DDX23: variants seen among roughly 807,000 people sequenced by gnomAD.
DDX23 encodes the protein probable ATP-dependent RNA helicase DDX23.
DDX23 carries 33 observed loss-of-function variants against 102.7 expected under a neutral mutation model. The ratio of observed to expected loss-of-function variants is 0.32; its 90% CI spans 0.24 to 0.43. The LOEUF (loss-of-function observed/expected upper bound fraction) is 0.43, where lower values mean the gene tolerates loss of function less well. Among genes scored for constraint, DDX23 ranks in the 20% least tolerant of loss-of-function variants. DDX23 has a pLI of 1.00. For missense variants in DDX23, 549 were observed against 1,086.6 expected, an observed-to-expected ratio of 0.51 and a Z score of 6.96; for synonymous variants, 352 against 376.0, an observed-to-expected ratio of 0.94 and a Z score of 0.74.
Position 48,831,184 on chromosome 12 carries a change from C to T in DDX23, c.2197G>A (p.Val733Met). The T allele has an allele frequency of 6.2e-7, 1 of 1,614,240 alleles. No homozygotes were observed. ...ATATCATAGTTGACAACCATAGACA[C>T]ATCTTGGATGTCAATACCACGACCA... ...VAGRGIDIQDVSMVVNYDMAK... is the reference protein window; with the variant it reads ...VAGRGIDIQDMSMVVNYDMAK... Residue 733 changes from valine (V) to methionine (M), a missense_variant, in exon 16 of 17, where the codon GTG becomes ATG. Physicochemically the swap from Val to Met is conservative, Grantham distance 21 (BLOSUM62 1). This residue lies in a region of DDX23 where 270 missense variants were observed against 707.0 expected (regional missense o/e 0.38). Coordinates refer to ENST00000308025, the MANE Select transcript of DDX23 (RefSeq NM_004818.3).
At position 48,831,180 on chromosome 12, in the gene DDX23, G is replaced by A; in HGVS notation, c.2201C>T (p.Ser734Phe). 1 of 1,614,210 alleles carries A rather than the reference G, an allele frequency of 6.2e-7. No individual in the cohort carries two copies. The highest frequency in any genetic ancestry group is 8.5e-7 in the Non-Finnish European group (1 of 1,180,044). ...GGCCATATCATAGTTGACAACCATA[G>A]ACACATCTTGGATGTCAATACCACG... ...AGRGIDIQDV[S>F]MVVNYDMAKN... The change falls in exon 16 of 17, where the codon TCT becomes TTT. Residue 734 changes from serine (S) to phenylalanine (F), a missense_variant. By Grantham distance (155) the Ser-to-Phe change is radical (BLOSUM62 -2). Around this residue, in one of 4 missense-constraint regions of DDX23, gnomAD observed 270 missense variants for 707.0 expected, o/e 0.38. Coordinates refer to ENST00000308025, the MANE Select transcript of DDX23 (RefSeq NM_004818.3).
At chr12:48,844,080 T>C (rs1374328577) in intron 2 of DDX23, 30 bp from the exon 3 acceptor site, 16 of 1,608,806 alleles carry the variant, frequency 9.9e-6, no homozygotes, top group African/African-American at 1.3e-5. Flanking sequence ...AGAGTTCACT[T>C]GGTATTTCCA....
rs761941850 is a variant in DDX23 at position 48,837,286 on chromosome 12, G to A, written c.861C>T (p.Asn287=). The change falls in exon 8 of 17, where the codon AAC becomes AAT. Residue 287 remains asparagine (N), a synonymous_variant. Transcript: ENST00000308025. ...DASEDTSIDY[N]PLYKERHQVQ... ...TCAGGCCTGAAGCCACTCACAGGGG[G>A]TTGTAGTCAATGGATGTGTCCTCAG... 4 of 1,613,892 alleles carry A rather than the reference G, an allele frequency of 2.5e-6. No homozygotes were observed. The highest frequency in any genetic ancestry group is 3.4e-6 in the Non-Finnish European group (4 of 1,179,820).
chr12:48,842,194 C>T, intron 3 of DDX23, among the ~76,000 whole-genome samples: 1 of 145,956 alleles, frequency 6.9e-6, no homozygotes, highest in South Asian at 2.2e-4. Context: ...AGCTCCCCAC[C>T]CGGCCAGCCG....
rs1229118511 is a variant in DDX23 at position 48,829,950 on chromosome 12, G to A, written c.*519C>T. ...ACCCCTTGGTGCGGGGCTGTGCACA[G>A]GTCTAAAGACTCTCAACTTCCTTTA... On this transcript the variant is annotated 3_prime_UTR_variant, in exon 17 of 17. Coordinates refer to ENST00000308025, the MANE Select transcript of DDX23 (RefSeq NM_004818.3). 2.8e-6 allele frequency: 1 copy of A among 355,090 alleles called. No homozygotes were observed. Among genetic ancestry groups the A allele is most frequent in the African/African-American group, 2.1e-5 (1 of 46,680 alleles). 22.0% of individuals were successfully genotyped at this position (355,090 alleles called of 1,614,324 possible).
chr12:48,848,585 TTTGTTGTTG>T (rs149054528), intron 1 of DDX23, among the ~76,000 whole-genome samples: 42,453 of 151,498 alleles, frequency 0.28, 6,779 homozygotes, highest in East Asian at 0.59. Context: ...TCAGGTTTGT[TTTGTTGTTG>T]TTGTTGTTGA....
At chr12:48,840,871 T>C (rs569766400) in intron 3 of DDX23, among the ~76,000 whole-genome samples, 10 of 152,002 alleles carry the variant, frequency 6.6e-5, no homozygotes, top group South Asian at 2.1e-4. Context: ...CTCTTTAATA[T>C]ACAATGAATT....
At chr12:48,842,518 C>T (rs1938580384) in intron 3 of DDX23, among the ~76,000 whole-genome samples, 1 of 144,070 alleles carries the variant, frequency 6.9e-6, no homozygotes, top group African/African-American at 2.6e-5. Context: ...GCCCCCCGCC[C>T]GGCCAGCCGC....
chr12:48,835,087 A>C (rs887803220), intron 11 of DDX23: 3 of 185,622 alleles, frequency 1.6e-5, no homozygotes, highest in African/African-American at 7.2e-5. Context: ...TCTACAAAAA[A>C]TACAAAAATT....
chr12:48,834,496 T>A lies in DDX23; in HGVS notation c.1384A>T (p.Ile462Phe). 1 of 1,612,910 alleles carries A rather than the reference T, an allele frequency of 6.2e-7. No individual in the cohort carries two copies. Among genetic ancestry groups the A allele is most frequent in the Non-Finnish European group, 8.5e-7 (1 of 1,179,470 alleles). Residue 462 changes from isoleucine (I) to phenylalanine (F), a missense_variant and splice_region_variant, in exon 12 of 17, where the codon ATC (isoleucine) becomes TTC (phenylalanine). Transcript: ENST00000308025. ...WITTLPKIDRIEESDQGPYAI... is the reference protein window; with the variant it reads ...WITTLPKIDRFEESDQGPYAI... The stretch of plus-strand genomic sequence containing the variant: ...TAAGGGCCTTGGTCTGACTCTTCGA[T>A]CCTGTGGTAAACAGGGTGCCCCACA...
Position 48,848,497 on chromosome 12 carries a change from G to A in DDX23, c.1-2715C>T, listed in dbSNP as rs545466467. Among the ~76,000 whole-genome samples the A allele has an allele frequency of 7.9e-5, 12 of 152,272 alleles. No individual in the cohort carries two copies. The South Asian group carries it at 1.9e-3, about 24-fold the overall frequency. On this transcript the variant is annotated intron_variant, in intron 1 of 16. Transcript: ENST00000308025. ...ACATTTAAGCTGAGACTTGAATGAT[G>A]GGAAAGAGGGCCATGAAAAGATCAG...
intron 1 of DDX23, among the ~76,000 whole-genome samples, chr12:48,848,204 T>C (rs1049258400): frequency 4.0e-5 from 6 of 151,708 alleles, no homozygotes; most frequent in Non-Finnish European, 7.4e-5. Context: ...GAGAATGGCG[T>C]GAACCCGGGA....
chr12:48,844,283 T>A (rs55928083), intron 2 of DDX23, among the ~76,000 whole-genome samples: 8 of 152,250 alleles, frequency 5.3e-5, no homozygotes, highest in African/African-American at 1.7e-4. Flanking sequence ...TGAACCTTCC[T>A]TTTTTATTTT....
chr12:48,837,019 C>G lies in DDX23; in HGVS notation c.885G>C (p.Gln295His), dbSNP rs1308842606. The G allele has an allele frequency of 6.2e-7, 1 of 1,614,046 alleles. No homozygotes were observed. The highest frequency in any genetic ancestry group is 1.1e-5 in the South Asian group (1 of 91,082). Residue 295 changes from glutamine to histidine, a missense_variant, in exon 9 of 17, where the codon CAG becomes CAC. Around this residue, in one of 4 missense-constraint regions of DDX23, gnomAD observed 270 missense variants for 707.0 expected, o/e 0.38. Transcript: ENST00000308025. ...TGAAGCCTCGCCCTAACAACTGCAC[C>G]TGGTGCCGTTCTTTGTACCTGGGAT... ...DYNPLYKERHQVQLLGRGFIA... is the reference protein window; with the variant it reads ...DYNPLYKERHHVQLLGRGFIA...
rs1222576267 is a variant in DDX23, at chr12:48,837,105, T to TACTA, written c.867-72_867-69dup. 4.4e-6 allele frequency: 7 copies of TACTA among 1,601,292 alleles called. No homozygotes were observed. The African/African-American group carries it at 8.1e-5, about 18-fold the overall frequency. Reference sequence around the variant, plus strand: ...ACGGCAGTAGGAAGGAAGGGCAGACTACTAGTATGAAACAGTTCTTCCCAG... The same window carrying TACTA: ...ACGGCAGTAGGAAGGAAGGGCAGACTACTAACTAGTATGAAACAGTTCTTCCCAG... On this transcript the variant is annotated intron_variant, in intron 8 of 16. Transcript: ENST00000308025.
At position 48,833,271 on chromosome 12, in the gene DDX23, C is replaced by T. The variant is rs1402046183; in HGVS notation, c.1803+6G>A. ...AACTTTTCCCAGCCCAGGGAAGCAG[C>T]CTTACTTGGCGGTACTTATGTTTTC... On this transcript the variant is annotated splice_donor_region_variant and intron_variant, in intron 13 of 16. Coordinates refer to ENST00000308025, the MANE Select transcript of DDX23 (RefSeq NM_004818.3). 9 of 1,614,096 alleles carry T rather than the reference C, an allele frequency of 5.6e-6. No homozygotes were observed. The highest frequency in any genetic ancestry group is 1.3e-5 in the African/African-American group (1 of 75,056).
chr12:48,837,910 A>AGAT, intron 6 of DDX23, 32 bp downstream of exon 6: 3 of 1,611,792 alleles, frequency 1.9e-6, no homozygotes, highest in Non-Finnish European at 2.5e-6. Context: ...TTCCTCTTCC[A>AGAT]TCTAGGGGCT....
rs1309885174 is a variant in DDX23, at chr12:48,843,751, T to C, written c.320+189A>G. Among the ~76,000 whole-genome samples the C allele has an allele frequency of 3.3e-5, 5 of 151,982 alleles. No homozygotes were observed. The East Asian group carries it at 7.8e-4, about 24-fold the overall frequency. ...ATTTAGTAGAGACGGGGTTTCACCA[T>C]GTTAGCCAGGATGGTCTCGATCTCC... On this transcript the variant is annotated intron_variant, in intron 3 of 16. Transcript: ENST00000308025.
chr12:48,848,598 T>C (rs902832364), intron 1 of DDX23, among the ~76,000 whole-genome samples: 8 of 141,204 alleles, frequency 5.7e-5, no homozygotes, highest in Non-Finnish European at 1.3e-4. Context: ...GTTGTTGTTG[T>C]TGTTGAGACA....
Sources: gnomAD v4.1 joint callset for allele counts (sites outside exome capture counted in the v4.1 genomes callset) on GRCh38, gnomAD v4.1.1 for gene constraint, gnomAD v4.1.1 regional missense constraint, MANE v1.5 for transcripts, NCBI Gene and HGNC (gene_info 2026-07-23, HGNC 2026-07-21) for gene names.